SGSH: variants seen among roughly 807,000 people sequenced by gnomAD.
SGSH encodes heparan sulfate sulfatase.
Under a neutral mutation model 51.0 loss-of-function variants are expected in SGSH, and 48 were observed. That is an observed-to-expected ratio of 0.94 (90% CI 0.75 to 1.20). The LOEUF (loss-of-function observed/expected upper bound fraction) is 1.20. SGSH is among the 50% of genes most tolerant of loss of function. SGSH has a pLI of 0.00. For missense variants in SGSH, 662 were observed against 717.8 expected (o/e 0.92, Z 0.89); for synonymous variants, 321 against 313.4 (o/e 1.02, Z -0.26).
downstream of SGSH, chr17:80,201,969 C>T (rs1321402892): frequency 5.5e-6 from 8 of 1,455,808 alleles, no homozygotes; most frequent in Non-Finnish European, 7.4e-6. This position sits in a 1 kb window ranked among gnomAD's most constrained non-coding sequence, Gnocchi z 5.0. Context: ...GCCAGGGACC[C>T]CCAGAGCCAA....
downstream of SGSH, chr17:80,203,833 A>G: frequency 6.3e-7 from 1 of 1,583,544 alleles, no homozygotes; most frequent in African/African-American, 1.3e-5. The surrounding 1 kb of genome is among the most constrained non-coding windows in gnomAD (Gnocchi z 4.6). Flanking sequence ...GCTCAGCAGC[A>G]GCTCATAGCC....
At chr17:80,208,361 C>A, downstream of SGSH, 1 of 1,570,674 alleles carries the variant, frequency 6.4e-7, no homozygotes. Context: ...CGTGCCCCTT[C>A]CCGGGACTGT....
At chr17:80,219,406 A>G (rs948477330) in intron 1 of SGSH, among the ~76,000 whole-genome samples, 2 of 152,200 alleles carry the variant, frequency 1.3e-5, no homozygotes, top group African/African-American at 4.8e-5. Flanking sequence ...GAAAGGCCCT[A>G]GCCCAGGGGC....
In SGSH at chr17:80,212,290, G is replaced by T; in HGVS notation, c.746-16C>A. 6.3e-7 allele frequency: 1 copy of T among 1,590,902 alleles called. No homozygotes were observed. The highest frequency in any genetic ancestry group is 1.1e-5 in the South Asian group (1 of 88,548). ...AGTCCAACTCCTGTGGTGAGGGGCC[G>T]AGAAGCAGAGCTCAGCCGCAGACAC... On this transcript the variant is annotated splice_polypyrimidine_tract_variant and intron_variant, in intron 6 of 7. Coordinates refer to ENST00000326317, the MANE Select transcript of SGSH (RefSeq NM_000199.5). The surrounding 1 kb of genome is among the most constrained non-coding windows in gnomAD (Gnocchi z 5.9).
At chr17:80,204,324 A>G, downstream of SGSH, 1 of 1,581,886 alleles carries the variant, frequency 6.3e-7, no homozygotes, top group Non-Finnish European at 8.6e-7. Flanking sequence ...GGCCAGTTGG[A>G]CCCCAGCAGG....
downstream of SGSH, chr17:80,208,700 C>T (rs370386884): frequency 2.3e-5 from 5 of 220,818 alleles, no homozygotes; most frequent in East Asian, 1.0e-4. Context: ...TCTGCAGGCC[C>T]GATTCAAATC....
At chr17:80,201,774 A>G (rs2040988886), downstream of SGSH, 4 of 1,613,848 alleles carry the variant, frequency 2.5e-6, no homozygotes, top group Non-Finnish European at 3.4e-6. This position sits in a 1 kb window ranked among gnomAD's most constrained non-coding sequence, Gnocchi z 5.0. Flanking sequence ...GCCCTTGTTC[A>G]AGGCAGTCCT....
In SGSH at chr17:80,213,130, GTTGTA is replaced by G. The variant is rs2144727820; in HGVS notation, c.745+669_745+673del. ...AATCGCTCGAACCTGGGAGGTGGTG[GTTGTA>G]GTGAGCCGAGATTGCGCCACTGCAC... On this transcript the variant is annotated intron_variant, in intron 6 of 7. Transcript: ENST00000326317. The surrounding 1 kb of genome is among the most constrained non-coding windows in gnomAD (Gnocchi z 4.6). The G allele has an allele frequency of 6.6e-6, 1 of 152,230 alleles. No individual in the cohort carries two copies. The highest frequency in any genetic ancestry group is 1.9e-4 in the East Asian group (1 of 5,152). 9.4% of individuals were successfully genotyped at this position (152,230 alleles called of 1,614,324 possible).
the SGSH span, chr17:80,201,629 T>C: frequency 1.3e-5 from 14 of 1,063,432 alleles, no homozygotes; most frequent in African/African-American, 1.9e-4. This position sits in a 1 kb window ranked among gnomAD's most constrained non-coding sequence, Gnocchi z 5.0. Context: ...GTGCAGGCAG[T>C]GGTCCTACGG....
chr17:80,205,810 C>A (rs951405671), downstream of SGSH: 3 of 643,258 alleles, frequency 4.7e-6, no homozygotes, highest in Non-Finnish European at 7.5e-6. Context: ...GCCCAAAACT[C>A]ATCTCAGCCA....
chr17:80,204,173 T>TC, downstream of SGSH: 1 of 1,507,274 alleles, frequency 6.6e-7, no homozygotes, highest in Non-Finnish European at 9.0e-7. Flanking sequence ...GAATTCCCAT[T>TC]CCTGTTGATG....
chr17:80,206,993 C>A (rs1418312404), downstream of SGSH: 1 of 1,612,510 alleles, frequency 6.2e-7, no homozygotes, highest in Non-Finnish European at 8.5e-7. Context: ...TCCTGGACGT[C>A]CAGCTGGACA....
rs771487566 is a variant in SGSH, at chr17:80,216,984, G to A, written c.249+48C>T. On this transcript the variant is annotated intron_variant, in intron 2 of 7. Coordinates refer to ENST00000326317, the MANE Select transcript of SGSH (RefSeq NM_000199.5). ...GGCAGAGGCCTGGGCCCCGGACGCA[G>A]CCTGTCTACTCCCTGCCCACCCCCT... 1.3e-5 allele frequency: 19 copies of A among 1,502,470 alleles called. No individual in the cohort carries two copies. The East Asian group carries it at 4.7e-4, about 37-fold the overall frequency. 93.1% of individuals were successfully genotyped at this position (1,502,470 alleles called of 1,614,324 possible). A position where few individuals can be genotyped will look rare whatever the true frequency, so the allele number is the denominator to read the frequency against.
At position 80,209,634 on chromosome 17, in the gene SGSH, C is replaced by T. The variant is rs2041548506; in HGVS notation, c.*818G>A. On this transcript the variant is annotated 3_prime_UTR_variant, in exon 8 of 8. Transcript: ENST00000326317. ...GGATGGGCATTGCCACCCAGCAACG[C>T]CAGTGTCACCGAAGAATTAACCCAA... 1 of 942,124 alleles carries T rather than the reference C, an allele frequency of 1.1e-6. No individual in the cohort carries two copies. The highest frequency in any genetic ancestry group is 6.2e-5 in the Admixed American group (1 of 16,174). 58.4% of individuals were successfully genotyped at this position (942,124 alleles called of 1,614,324 possible). A position where few individuals can be genotyped will look rare whatever the true frequency, so the allele number is the denominator to read the frequency against.
downstream of SGSH, chr17:80,208,093 C>T: frequency 7.0e-7 from 1 of 1,422,176 alleles, no homozygotes; most frequent in Admixed American, 2.4e-5. Context: ...CTCCTGGGCC[C>T]TTGCTCTCCC....
chr17:80,216,839 C>T, intron 2 of SGSH, 193 bp downstream of exon 2: 1 of 609,378 alleles, frequency 1.6e-6, no homozygotes, highest in Non-Finnish European at 2.9e-6. Context: ...AGCAGTGCAG[C>T]CAGGGCTGGC....
chr17:80,208,159 C>T (rs200640336), downstream of SGSH: 1,411 of 1,544,862 alleles, frequency 9.1e-4, 11 homozygotes, highest in African/African-American at 0.016. Context: ...AGCGGTTGGG[C>T]ACCTCAGAGG....
chr17:80,211,112 A>C (rs1306899618), intron 7 of SGSH, 101 bp from the exon 8 acceptor site: 2 of 1,545,678 alleles, frequency 1.3e-6, no homozygotes, highest in East Asian at 4.8e-5. Flanking sequence ...TCCCTTCTCC[A>C]ATCCAATCAG....
Position 80,215,151 on chromosome 17 carries a change from G to A in SGSH, c.250-13C>T, listed in dbSNP as rs1374733070. ...TCCCATTCTGATGCTGCCAGCAAAG[G>A]CGCATGAGGTCCGGGGCCCCCGGAC... On this transcript the variant is annotated splice_polypyrimidine_tract_variant and intron_variant, in intron 2 of 7. Transcript: ENST00000326317. 23 of 1,604,496 alleles carry A rather than the reference G, an allele frequency of 1.4e-5. No homozygotes were observed. Among genetic ancestry groups the A allele is most frequent in the Non-Finnish European group, 2.0e-5 (23 of 1,175,788 alleles).
Sources: allele counts gnomAD v4.1 joint callset (sites outside exome capture counted in the v4.1 genomes callset), GRCh38; gene constraint gnomAD v4.1.1; non-coding constraint Gnocchi (gnomAD v3.1); transcripts MANE v1.5; gene names NCBI Gene and HGNC (gene_info 2026-07-23, HGNC 2026-07-21).